HSPB8: variants seen among roughly 807,000 people sequenced by gnomAD.
The protein encoded by HSPB8 is heat shock protein family B (small) member 8.
In HSPB8, 9 loss-of-function variants were observed where a neutral mutation model predicts 16.5. That is an observed-to-expected ratio of 0.55 (90% CI 0.33 to 0.95). The LOEUF is 0.95. Ranked by LOEUF, HSPB8 falls within the 40% of genes least tolerant of loss-of-function variation. HSPB8 has a pLI of 0.03. For synonymous variants in HSPB8, 99 were observed against 94.8 expected, an observed-to-expected ratio of 1.04 and a Z score of -0.26; for missense variants, 238 against 251.2, an observed-to-expected ratio of 0.95 and a Z score of 0.35.
intron 1 of HSPB8, among the ~76,000 whole-genome samples, chr12:119,184,298 G>A (rs1176842289): frequency 2.0e-5 from 3 of 152,222 alleles, no homozygotes; most frequent in African/African-American, 4.8e-5. Context: ...TAAAGGAGTT[G>A]ATACAGATAA....
chr12:119,186,995 G>A (rs374550471), intron 1 of HSPB8, 30 bp from the exon 2 acceptor site: 267 of 1,610,408 alleles, frequency 1.7e-4, no homozygotes, highest in Non-Finnish European at 2.1e-4. Flanking sequence ...GAACATAGAT[G>A]CTGACACGCC....
At chr12:119,188,248 T>TCTC (rs1491485099) in intron 2 of HSPB8, among the ~76,000 whole-genome samples, 1 of 82,644 alleles carries the variant, frequency 1.2e-5, no homozygotes, top group East Asian at 3.0e-4. Context: ...TCTCTCTCTC[T>TCTC]TTTTTTTTTT....
At chr12:119,189,010 C>A (rs879324149) in intron 2 of HSPB8, among the ~76,000 whole-genome samples, 13 of 152,180 alleles carry the variant, frequency 8.5e-5, no homozygotes, top group Admixed American at 2.6e-4. Flanking sequence ...CATGTCCGTC[C>A]CTGGCCCTCC....
At position 119,179,399 on chromosome 12, in the gene HSPB8, C is replaced by A. The variant is rs773298891; in HGVS notation, c.87C>A (p.Arg29=). Residue 29 remains arginine (R), a synonymous_variant, in exon 1 of 3, where the codon CGC becomes CGA. Transcript: ENST00000281938. ...DPFRDSPLSS[R]LLDDGFGMDP... is the part of the protein sequence containing the mutation. Reference sequence around the variant, plus strand: ...TCCGGGACTCTCCCCTCTCCTCTCGCCTGCTGGATGATGGCTTTGGCATGG... The same window carrying A: ...TCCGGGACTCTCCCCTCTCCTCTCGACTGCTGGATGATGGCTTTGGCATGG... The A allele has an allele frequency of 4.3e-6, 7 of 1,614,042 alleles. No individual in the cohort carries two copies. Among genetic ancestry groups the A allele is most frequent in the Non-Finnish European group, 5.9e-6 (7 of 1,180,042 alleles).
chr12:119,179,413 G>A lies in HSPB8; in HGVS notation c.101G>A (p.Gly34Asp). Reference sequence around the variant, plus strand: ...CTCTCCTCTCGCCTGCTGGATGATGGCTTTGGCATGGACCCCTTCCCAGAC... The same window carrying A: ...CTCTCCTCTCGCCTGCTGGATGATGACTTTGGCATGGACCCCTTCCCAGAC... ...SPLSSRLLDD[G>D]FGMDPFPDDL... Residue 34 changes from glycine to aspartate, a missense_variant, in exon 1 of 3, where the codon GGC (glycine) becomes GAC (aspartate). Gly to Asp is a moderately conservative substitution (Grantham distance 94). Transcript: ENST00000281938. 6.2e-7 allele frequency: 1 copy of A among 1,614,064 alleles called. No homozygotes were observed. The highest frequency in any genetic ancestry group is 8.5e-7 in the Non-Finnish European group (1 of 1,180,016).
At chr12:119,186,916 A>G (rs1954679691) in intron 1 of HSPB8, 109 bp from the exon 2 acceptor site, 1 of 1,009,394 alleles carries the variant, frequency 9.9e-7, no homozygotes, top group Admixed American at 1.7e-5. Flanking sequence ...GGGTAGGCCT[A>G]AGTCACACAG....
intron 1 of HSPB8, among the ~76,000 whole-genome samples, chr12:119,185,584 G>A (rs1397174417): frequency 2.0e-5 from 3 of 151,878 alleles, no homozygotes; most frequent in Admixed American, 2.0e-4. Context: ...CACCTGCCTC[G>A]GCCTCCCAAA....
chr12:119,184,799 G>A (rs7303637), intron 1 of HSPB8, among the ~76,000 whole-genome samples: 11 of 152,092 alleles, frequency 7.2e-5, no homozygotes, highest in Non-Finnish European at 1.0e-4. Context: ...CGAAGTTCTC[G>A]CCAACGTTGG....
At chr12:119,185,997 G>C (rs1275985718) in intron 1 of HSPB8, among the ~76,000 whole-genome samples, 2 of 151,990 alleles carry the variant, frequency 1.3e-5, no homozygotes, top group Admixed American at 6.5e-5. Flanking sequence ...CACAAATGAG[G>C]AGTGAAAAGT....
At chr12:119,191,823 C>T (rs1257480874) in intron 2 of HSPB8, among the ~76,000 whole-genome samples, 2 of 152,164 alleles carry the variant, frequency 1.3e-5, no homozygotes, top group African/African-American at 4.8e-5. Flanking sequence ...TGGTCAGATA[C>T]TCTGAGTTTG....
intron 2 of HSPB8, among the ~76,000 whole-genome samples, chr12:119,189,335 GTGTGTGTA>G (rs967312858): frequency 1.3e-5 from 2 of 150,868 alleles, no homozygotes; most frequent in African/African-American, 4.9e-5. Flanking sequence ...GTGTGTGTGT[GTGTGTGTA>G]TTTCACATGC....
rs1954731536 is a variant in HSPB8, at chr12:119,194,347, T to A, written c.*489T>A. The A allele has an allele frequency of 8.4e-6, 2 of 239,344 alleles. No homozygotes were observed. Among genetic ancestry groups the A allele is most frequent in the African/African-American group, 2.3e-5 (1 of 43,976 alleles). 14.8% of individuals were successfully genotyped at this position (239,344 alleles called of 1,614,324 possible). On this transcript the variant is annotated 3_prime_UTR_variant, in exon 3 of 3. Coordinates refer to ENST00000281938, the MANE Select transcript of HSPB8 (RefSeq NM_014365.3). ...CACATGCCTGGCCTAAAATGGGTGA[T>A]ATACAGGTCTTATATCCCCATATGG...
At chr12:119,192,693 C>T (rs1473439331) in intron 2 of HSPB8, among the ~76,000 whole-genome samples, 1 of 151,986 alleles carries the variant, frequency 6.6e-6, no homozygotes, top group Non-Finnish European at 1.5e-5. Flanking sequence ...TAATGATCTG[C>T]TAAGTGATTG....
At position 119,194,095 on chromosome 12, in the gene HSPB8, C is replaced by G; in HGVS notation, c.*237C>G. ...AAAATACTAGTTTTGCTTTCTTTAC[C>G]TTTTCTATCTTGATGAAAATGTTGC... On this transcript the variant is annotated 3_prime_UTR_variant, in exon 3 of 3. Transcript: ENST00000281938. 7.1e-6 allele frequency: 4 copies of G among 561,024 alleles called. No individual in the cohort carries two copies. Among genetic ancestry groups the G allele is most frequent in the Non-Finnish European group, 1.3e-5 (4 of 314,910 alleles). 34.8% of individuals were successfully genotyped at this position (561,024 alleles called of 1,614,324 possible). A position where few individuals can be genotyped will look rare whatever the true frequency, so the allele number is the denominator to read the frequency against.
intron 1 of HSPB8, among the ~76,000 whole-genome samples, chr12:119,184,292 G>A (rs1954658755): frequency 6.6e-6 from 1 of 152,234 alleles, no homozygotes; most frequent in South Asian, 2.1e-4. Flanking sequence ...AAAAATTAAA[G>A]GAGTTGATAC....
At chr12:119,187,413 G>A (rs150032296) in intron 2 of HSPB8, among the ~76,000 whole-genome samples, 2,700 of 152,156 alleles carry the variant, frequency 0.018, 80 homozygotes, top group African/African-American at 0.061. Flanking sequence ...GGAGTGCAGC[G>A]GTGTGATCCC....
chr12:119,184,712 A>G (rs902074492), intron 1 of HSPB8, among the ~76,000 whole-genome samples: 1 of 152,224 alleles, frequency 6.6e-6, no homozygotes, highest in Admixed American at 6.5e-5. Flanking sequence ...TGGAAGTTGC[A>G]TTAGTCCTCA....
At chr12:119,191,455 C>G (rs2136085346) in intron 2 of HSPB8, among the ~76,000 whole-genome samples, 1 of 152,282 alleles carries the variant, frequency 6.6e-6, no homozygotes, top group South Asian at 2.1e-4. Flanking sequence ...TGGCAGCTTT[C>G]TAGTTCCCTC....
At position 119,194,084 on chromosome 12, in the gene HSPB8, GCTTTCTTTAC is replaced by G. The variant is rs143695162; in HGVS notation, c.*231_*240del. ...TGTGTTAGGCCAAAATACTAGTTTT[GCTTTCTTTAC>G]CTTTTCTATCTTGATGAAAATGTTG... On this transcript the variant is annotated 3_prime_UTR_variant, in exon 3 of 3. Transcript: ENST00000281938. 4.0e-3 allele frequency: 2,330 copies of G among 589,028 alleles called. 43 individuals carry two copies. The highest frequency in any genetic ancestry group is 0.039 in the African/African-American group (2,100 of 53,798). 36.5% of individuals were successfully genotyped at this position (589,028 alleles called of 1,614,324 possible).
Sources: gnomAD v4.1 joint callset for allele counts (sites outside exome capture counted in the v4.1 genomes callset) on GRCh38, gnomAD v4.1.1 for gene constraint, MANE v1.5 for transcripts, NCBI Gene and HGNC (gene_info 2026-07-23, HGNC 2026-07-21) for gene names.